The following ACAP2 variants were observed in gnomAD, a reference collection of about 807,000 sequenced individuals.
The protein encoded by ACAP2 is ArfGAP with coiled-coil, ankyrin repeat and PH domains 2.
A neutral mutation model predicts 115.8 loss-of-function variants in ACAP2; 39 were observed. The observed-to-expected ratio is 0.34, with a 90% CI of 0.26 to 0.44. The LOEUF is 0.44. ACAP2 is among the 20% of genes least tolerant of loss of function. The pLI is 1.00. For missense variants in ACAP2, 662 were observed against 927.6 expected (o/e 0.71, Z 3.72); for synonymous variants, 289 against 315.8 (o/e 0.92, Z 0.90).
intron 4 of ACAP2, among the ~76,000 whole-genome samples, chr3:195,373,387 TTTAG>T: frequency 6.7e-6 from 1 of 150,272 alleles, no homozygotes; most frequent in South Asian, 2.1e-4. Flanking sequence ...TATTTAAACA[TTTAG>T]TATCATCAAA....
At chr3:195,440,963 T>A (rs888943606) in intron 1 of ACAP2, among the ~76,000 whole-genome samples, 2 of 152,180 alleles carry the variant, frequency 1.3e-5, no homozygotes, top group African/African-American at 4.8e-5. Context: ...GAATTTATGT[T>A]ACAATCAAGT....
At chr3:195,433,290 C>T (rs952923834) in intron 1 of ACAP2, among the ~76,000 whole-genome samples, 5 of 151,996 alleles carry the variant, frequency 3.3e-5, no homozygotes, top group Non-Finnish European at 5.9e-5. Context: ...ACTTTGTTAT[C>T]GTTATTTTTT....
In ACAP2 at chr3:195,360,187, T is replaced by C. The variant is rs553534616; in HGVS notation, c.286-14870A>G. The stretch of plus-strand genomic sequence containing the variant: ...GAAAATAAAGGAATGGAAAAAGATA[T>C]TACATGCAAATGGAAACCAAAAGGA... On this transcript the variant is annotated intron_variant, in intron 4 of 22. Transcript: ENST00000326793. Among the ~76,000 whole-genome samples the C allele has an allele frequency of 6.6e-5, 10 of 152,058 alleles. 1 individual carries two copies. The South Asian group carries it at 2.1e-3, about 32-fold the overall frequency.
At chr3:195,309,324 C>G (rs547825279) in intron 10 of ACAP2, among the ~76,000 whole-genome samples, 1 of 152,184 alleles carries the variant, frequency 6.6e-6, no homozygotes, top group East Asian at 1.9e-4. Context: ...AGTGGATCAC[C>G]TGAGGTCGTC....
chr3:195,353,154 A>G (rs1167927965), intron 4 of ACAP2, among the ~76,000 whole-genome samples: 1 of 152,018 alleles, frequency 6.6e-6, no homozygotes, highest in Non-Finnish European at 1.5e-5. Context: ...TTTTAGCAGT[A>G]ACCAGATTTC....
intron 10 of ACAP2, among the ~76,000 whole-genome samples, chr3:195,319,989 G>T (rs139133716): frequency 6.6e-6 from 1 of 152,172 alleles, no homozygotes; most frequent in South Asian, 2.1e-4. Flanking sequence ...TCATGGGAGC[G>T]GTTTCCCCCA....
chr3:195,342,616 T>C lies in ACAP2; in HGVS notation c.383A>G (p.Glu128Gly). 1 of 1,606,306 alleles carries C rather than the reference T, an allele frequency of 6.2e-7. No homozygotes were observed. Among genetic ancestry groups the C allele is most frequent in the Non-Finnish European group, 8.5e-7 (1 of 1,178,026 alleles). Residue 128 changes from glutamate (E) to glycine (G), a missense_variant, in exon 6 of 23, where the codon GAA (glutamate) becomes GGA (glycine). Glu to Gly is a moderately conservative substitution (Grantham distance 98). Transcript: ENST00000326793. ...RKFKDAKKQF[E>G]KVSEEKENAL... ...ATTTTCTTTTTCTTCACTGACTTTT[T>C]CGAATTGCTTCTTGGCATCTTTGAA...
intron 11 of ACAP2, among the ~76,000 whole-genome samples, chr3:195,308,153 G>T (rs1390720643): frequency 3.3e-5 from 5 of 152,040 alleles, no homozygotes; most frequent in African/African-American, 1.2e-4. Flanking sequence ...AATTTAAGGG[G>T]TTCTATTTAA....
chr3:195,295,433 CT>C lies in ACAP2; in HGVS notation c.1672+274del, dbSNP rs555600605. ...CAGGTAGTTAATCAGATACTTAGGG[CT>C]TTTGAAATGTCAGGTTTATAATTCC... On this transcript the variant is annotated intron_variant, in intron 17 of 22. Coordinates refer to ENST00000326793, the MANE Select transcript of ACAP2 (RefSeq NM_012287.6). 3.4e-3 allele frequency: 1,857 copies of C among 549,382 alleles called. 3 individuals are homozygous for C. Among genetic ancestry groups the C allele is most frequent in the Non-Finnish European group, 4.7e-3 (1,528 of 327,578 alleles). 34.0% of individuals were successfully genotyped at this position (549,382 alleles called of 1,614,324 possible).
chr3:195,311,114 TG>T (rs1577278961), intron 10 of ACAP2, among the ~76,000 whole-genome samples: 2 of 150,204 alleles, frequency 1.3e-5, no homozygotes, highest in East Asian at 4.0e-4. Flanking sequence ...TTTTTTTTTT[TG>T]AAGCAGAGTC....
At chr3:195,355,990 A>T (rs769563438) in intron 4 of ACAP2, 6 of 411,814 alleles carry the variant, frequency 1.5e-5, no homozygotes, top group Non-Finnish European at 3.0e-5. Context: ...TCCTCCCTGC[A>T]GGAACACCAA....
At chr3:195,350,401 T>C (rs918661309) in intron 4 of ACAP2, among the ~76,000 whole-genome samples, 2 of 152,140 alleles carry the variant, frequency 1.3e-5, no homozygotes, top group South Asian at 2.1e-4. Context: ...GGCTCACGTC[T>C]GTAATCCCAA....
intron 1 of ACAP2, among the ~76,000 whole-genome samples, chr3:195,416,289 T>TGA (rs923997548): frequency 4.8e-4 from 73 of 150,910 alleles, no homozygotes; most frequent in African/African-American, 1.8e-3. Context: ...GAGGCTGCAG[T>TGA]GAGCCAAGAC....
intron 10 of ACAP2, among the ~76,000 whole-genome samples, chr3:195,310,936 G>A (rs1007862324): frequency 1.3e-5 from 2 of 151,726 alleles, no homozygotes; most frequent in Non-Finnish European, 2.9e-5. Flanking sequence ...AGATTTGTGT[G>A]TCTTACAACA....
At chr3:195,346,640 C>T (rs1464752501) in intron 4 of ACAP2, among the ~76,000 whole-genome samples, 4 of 152,112 alleles carry the variant, frequency 2.6e-5, no homozygotes, top group Admixed American at 2.0e-4. Context: ...ATTACATGAA[C>T]ATGAAATATA....
chr3:195,288,675 TGG>T (rs1727016502), intron 21 of ACAP2, among the ~76,000 whole-genome samples: 1 of 152,062 alleles, frequency 6.6e-6, no homozygotes, highest in Non-Finnish European at 1.5e-5. Flanking sequence ...CTGGCCAACA[TGG>T]TGAAACCCCA....
chr3:195,358,598 T>A (rs927148687), intron 4 of ACAP2, among the ~76,000 whole-genome samples: 1 of 151,928 alleles, frequency 6.6e-6, no homozygotes, highest in Non-Finnish European at 1.5e-5. Flanking sequence ...AAAGAACGTA[T>A]CAGAGTCTCT....
chr3:195,285,125 G>C (rs1340523039), intron 22 of ACAP2, among the ~76,000 whole-genome samples: 1 of 152,222 alleles, frequency 6.6e-6, no homozygotes, highest in Non-Finnish European at 1.5e-5. Context: ...ACAACTGCCT[G>C]GAGGCAAAGC....
chr3:195,356,575 C>T (rs560268448), intron 4 of ACAP2, among the ~76,000 whole-genome samples: 81 of 152,192 alleles, frequency 5.3e-4, no homozygotes, highest in African/African-American at 1.9e-3. Context: ...AAAGAGATTC[C>T]GTCCTTCTCC....
Sources: allele counts gnomAD v4.1 joint callset (sites outside exome capture counted in the v4.1 genomes callset), GRCh38; gene constraint gnomAD v4.1.1; transcripts MANE v1.5; gene names NCBI Gene and HGNC (gene_info 2026-07-23, HGNC 2026-07-21).